ATP8A2: variants seen among roughly 807,000 people sequenced by gnomAD.
ATP8A2 encodes ATPase phospholipid transporting 8A2.
Under a neutral mutation model 165.6 loss-of-function variants are expected in ATP8A2, and 100 were observed. The observed-to-expected ratio is 0.60, with a 90% CI of 0.51 to 0.71. The LOEUF (loss-of-function observed/expected upper bound fraction) is 0.71, where lower values mean the gene tolerates loss of function less well. Among genes scored for constraint, ATP8A2 ranks in the 30% least tolerant of loss-of-function variants. ATP8A2 has a pLI of 0.00. For missense variants in ATP8A2, 1,227 were observed against 1,479.5 expected (o/e 0.83, Z 2.80); for synonymous variants, 543 against 548.8 (o/e 0.99, Z 0.15).
chr13:25,934,736 C>T (rs1954840506), intron 33 of ATP8A2, among the ~76,000 whole-genome samples: 1 of 152,114 alleles, frequency 6.6e-6, no homozygotes, highest in Non-Finnish European at 1.5e-5. Context: ...AGTGTTCTTT[C>T]AGCTGTGTCT....
At chr13:25,662,978 A>G (rs2042082140) in intron 24 of ATP8A2, among the ~76,000 whole-genome samples, 1 of 152,244 alleles carries the variant, frequency 6.6e-6, no homozygotes, top group Non-Finnish European at 1.5e-5. Context: ...GAAAGGGAGC[A>G]GGAGATGGAT....
intron 25 of ATP8A2, among the ~76,000 whole-genome samples, chr13:25,754,000 A>G (rs2044209046): frequency 6.6e-6 from 1 of 152,222 alleles, no homozygotes; most frequent in African/African-American, 2.4e-5. Context: ...TGTCTGTGTG[A>G]CTTAGTCAAT....
chr13:25,998,645 G>C (rs2139313820), intron 35 of ATP8A2, among the ~76,000 whole-genome samples: 1 of 152,278 alleles, frequency 6.6e-6, no homozygotes, highest in Non-Finnish European at 1.5e-5. Flanking sequence ...ATCAAGCACT[G>C]TGCTGCTACA....
chr13:25,769,988 G>T (rs915520691), intron 26 of ATP8A2, among the ~76,000 whole-genome samples: 5 of 152,182 alleles, frequency 3.3e-5, no homozygotes, highest in African/African-American at 1.2e-4. Flanking sequence ...AACCCGTAGG[G>T]TGCATATCTG....
intron 34 of ATP8A2, among the ~76,000 whole-genome samples, chr13:25,965,626 C>A (rs2139199438): frequency 6.6e-6 from 1 of 152,304 alleles, no homozygotes; most frequent in Non-Finnish European, 1.5e-5. Flanking sequence ...TTACTGATGA[C>A]AGCATGCTTA....
At chr13:25,721,472 A>T (rs1465204216) in intron 25 of ATP8A2, among the ~76,000 whole-genome samples, 1 of 152,212 alleles carries the variant, frequency 6.6e-6, no homozygotes, top group African/African-American at 2.4e-5. Context: ...TTCTTCCAGC[A>T]GTTTCACAGT....
At chr13:25,745,655 T>C (rs1174228706) in intron 25 of ATP8A2, among the ~76,000 whole-genome samples, 2 of 152,200 alleles carry the variant, frequency 1.3e-5, no homozygotes, top group Non-Finnish European at 2.9e-5. Flanking sequence ...GGAGTAAATA[T>C]GAATTCAGCC....
chr13:25,629,822 A>C (rs2041193618), intron 24 of ATP8A2, among the ~76,000 whole-genome samples: 1 of 152,204 alleles, frequency 6.6e-6, no homozygotes, highest in Non-Finnish European at 1.5e-5. Context: ...TATACGGTGT[A>C]AATTGTTCTG....
intron 27 of ATP8A2, among the ~76,000 whole-genome samples, chr13:25,776,977 T>C (rs2138334386): frequency 6.6e-6 from 1 of 152,190 alleles, no homozygotes; most frequent in African/African-American, 2.4e-5. Flanking sequence ...TGGTGTTTTT[T>C]TTTTTACTTC....
chr13:25,560,962 C>T (rs1170808096), intron 15 of ATP8A2, among the ~76,000 whole-genome samples: 1 of 151,350 alleles, frequency 6.6e-6, no homozygotes, highest in Non-Finnish European at 1.5e-5. Context: ...TCTTGGCTCA[C>T]TGCAAGCTCC....
At chr13:25,639,796 A>G (rs1000432280) in intron 24 of ATP8A2, among the ~76,000 whole-genome samples, 2 of 152,224 alleles carry the variant, frequency 1.3e-5, no homozygotes, top group Non-Finnish European at 2.9e-5. Flanking sequence ...TCAACAGAAT[A>G]TACATTACTC....
At chr13:25,403,091 A>T in intron 1 of ATP8A2, among the ~76,000 whole-genome samples, 1 of 152,184 alleles carries the variant, frequency 6.6e-6, no homozygotes, top group East Asian at 1.9e-4. Flanking sequence ...CCACCTTTTA[A>T]TACTGCTGCA....
At chr13:25,908,186 C>T (rs1195340172) in intron 33 of ATP8A2, among the ~76,000 whole-genome samples, 1 of 151,690 alleles carries the variant, frequency 6.6e-6, no homozygotes. Flanking sequence ...TCTACCGAGG[C>T]GTGCTTTCTT....
At chr13:25,422,636 G>C (rs1047830602) in intron 1 of ATP8A2, among the ~76,000 whole-genome samples, 1 of 152,142 alleles carries the variant, frequency 6.6e-6, no homozygotes, top group Non-Finnish European at 1.5e-5. Flanking sequence ...AACACACACA[G>C]AGAGGCTCTT....
chr13:25,957,039 A>C (rs774373647), intron 33 of ATP8A2, among the ~76,000 whole-genome samples: 1 of 152,234 alleles, frequency 6.6e-6, no homozygotes. Flanking sequence ...CCTATTTAAT[A>C]AATGGTGTTG....
chr13:25,945,524 TATTA>T (rs1159677961), intron 33 of ATP8A2, among the ~76,000 whole-genome samples: 3 of 152,242 alleles, frequency 2.0e-5, no homozygotes, highest in Non-Finnish European at 4.4e-5. Flanking sequence ...ATAAAATCTT[TATTA>T]ATTCAAGTCT....
chr13:25,636,674 A>G (rs992354376), intron 24 of ATP8A2, among the ~76,000 whole-genome samples: 2 of 151,926 alleles, frequency 1.3e-5, no homozygotes, highest in African/African-American at 2.4e-5. Flanking sequence ...CCCTACCACA[A>G]TCTCGCCTTC....
Position 25,801,240 on chromosome 13 carries a change from G to A in ATP8A2, c.2679+26281G>A, listed in dbSNP as rs150255357. Among the ~76,000 whole-genome samples, 313 of 152,228 alleles carry A rather than the reference G, an allele frequency of 2.1e-3. 2 individuals are homozygous for A. The highest frequency in any genetic ancestry group is 7.0e-3 in the African/African-American group (291 of 41,516). Reference sequence around the variant, plus strand: ...GCGCTCCCTCTTCTGGGATGGCTGCGGAGCCCAGGGCATCTCTCTCTAAGG... The same window carrying A: ...GCGCTCCCTCTTCTGGGATGGCTGCAGAGCCCAGGGCATCTCTCTCTAAGG... On this transcript the variant is annotated intron_variant, in intron 27 of 36. Coordinates refer to ENST00000381655, the MANE Select transcript of ATP8A2 (RefSeq NM_016529.6).
chr13:25,450,741 C>A (rs1400889591), intron 1 of ATP8A2, among the ~76,000 whole-genome samples: 1 of 152,060 alleles, frequency 6.6e-6, no homozygotes, highest in Non-Finnish European at 1.5e-5. Flanking sequence ...CCATGTTAGC[C>A]AGGATGGTCT....
Sources: allele counts gnomAD v4.1 joint callset (sites outside exome capture counted in the v4.1 genomes callset), GRCh38; gene constraint gnomAD v4.1.1; transcripts MANE v1.5; gene names NCBI Gene and HGNC (gene_info 2026-07-23, HGNC 2026-07-21).